ASNS: variants seen among roughly 807,000 people sequenced by gnomAD.
The protein encoded by ASNS is asparagine synthetase (glutamine-hydrolyzing).
ASNS carries 37 observed loss-of-function variants against 62.6 expected under a neutral mutation model. The observed-to-expected ratio is 0.59, with a 90% CI of 0.45 to 0.78. The LOEUF (loss-of-function observed/expected upper bound fraction) is 0.78, where lower values mean the gene tolerates loss of function less well. Ranked by LOEUF, ASNS falls within the 30% of genes least tolerant of loss-of-function variation. The probability of loss-of-function intolerance (pLI) is 0.00; values close to 1 mark genes in which losing one functional copy is unlikely to be tolerated. For missense variants in ASNS, 520 were observed against 682.4 expected, an observed-to-expected ratio of 0.76 and a Z score of 2.65; for synonymous variants, 207 against 237.9, an observed-to-expected ratio of 0.87 and a Z score of 1.19.
At chr7:97,868,518 C>CGT (rs543590888) in intron 3 of ASNS, among the ~76,000 whole-genome samples, 82 of 62,104 alleles carry the variant, frequency 1.3e-3, no homozygotes, top group African/African-American at 7.9e-3. Flanking sequence ...TCAGCAAAAA[C>CGT]ATGTGTGTGT....
the ASNS span, among the ~76,000 whole-genome samples, chr7:97,923,571 C>T: frequency 6.6e-6 from 1 of 152,198 alleles, no homozygotes; most frequent in African/African-American, 2.4e-5. Context: ...TCATCCCAGG[C>T]AATCACGGTC....
the ASNS span, among the ~76,000 whole-genome samples, chr7:97,896,098 T>A: frequency 6.6e-6 from 1 of 151,964 alleles, no homozygotes; most frequent in Non-Finnish European, 1.5e-5. Flanking sequence ...TGGGTTGGAA[T>A]AACTAATACT....
the ASNS span, among the ~76,000 whole-genome samples, chr7:97,917,967 C>T: frequency 6.6e-6 from 1 of 152,224 alleles, no homozygotes; most frequent in South Asian, 2.1e-4. Flanking sequence ...GAAACTGAGG[C>T]CTGAAGAAGG....
At chr7:97,874,680 A>C (rs1448753368), upstream of ASNS, among the ~76,000 whole-genome samples, 1 of 152,276 alleles carries the variant, frequency 6.6e-6, no homozygotes, top group African/African-American at 2.4e-5. Flanking sequence ...GACTTCCCGC[A>C]ACACAGCACA....
chr7:97,928,273 C>T, the ASNS span: 1 of 1,521,300 alleles, frequency 6.6e-7, no homozygotes, highest in Admixed American at 2.0e-5. Context: ...TTGCCAGTGG[C>T]TTTGGAGCTG....
At chr7:97,900,405 T>C in the ASNS span, among the ~76,000 whole-genome samples, 2 of 135,976 alleles carry the variant, frequency 1.5e-5, no homozygotes, top group Non-Finnish European at 3.1e-5. Flanking sequence ...CAAGTTTTGG[T>C]GAGGATGCAG....
At chr7:97,878,263 C>T in the ASNS span, among the ~76,000 whole-genome samples, 4 of 152,194 alleles carry the variant, frequency 2.6e-5, no homozygotes, top group African/African-American at 9.7e-5. Context: ...TGGCACACGT[C>T]TCTAACAACC....
At chr7:97,909,578 G>C in the ASNS span, among the ~76,000 whole-genome samples, 5 of 152,044 alleles carry the variant, frequency 3.3e-5, no homozygotes, top group Non-Finnish European at 7.4e-5. Flanking sequence ...CAAGTGCTAA[G>C]ATTACAGGTG....
At chr7:97,926,778 T>C in the ASNS span, among the ~76,000 whole-genome samples, 1 of 152,210 alleles carries the variant, frequency 6.6e-6, no homozygotes, top group African/African-American at 2.4e-5. Context: ...CCCATTTCCC[T>C]TTGTGGACCA....
upstream of ASNS, among the ~76,000 whole-genome samples, chr7:97,873,589 A>G (rs1792372455): frequency 6.6e-6 from 1 of 152,222 alleles, no homozygotes; most frequent in African/African-American, 2.4e-5. Flanking sequence ...TAAACCTGAG[A>G]GCAATGTGGG....
chr7:97,862,263 T>TATA (rs1030805862), intron 4 of ASNS, among the ~76,000 whole-genome samples: 38 of 151,482 alleles, frequency 2.5e-4, no homozygotes, highest in African/African-American at 7.5e-4. Flanking sequence ...GAACTTAAAG[T>TATA]ATAATAATAA....
At chr7:97,924,281 A>G in the ASNS span, among the ~76,000 whole-genome samples, 1 of 152,318 alleles carries the variant, frequency 6.6e-6, no homozygotes, top group East Asian at 1.9e-4. Context: ...CAACATGCGC[A>G]GGTAGCACTT....
intron 1 of ASNS, chr7:97,870,371 C>T: frequency 3.1e-6 from 1 of 323,374 alleles, no homozygotes; most frequent in Non-Finnish European, 5.6e-6. Context: ...CTGCGAATTG[C>T]AGCAAATGCC....
In ASNS at chr7:97,858,841, T is replaced by TA. The variant is rs765369330; in HGVS notation, c.775+12dup. ...CACATGAAATATAATTAGGTTTTTT[T>TA]AATTGACTTCACCTGATAAAAGGCA... On this transcript the variant is annotated intron_variant, in intron 6 of 12. Coordinates refer to ENST00000394308, the MANE Select transcript of ASNS (RefSeq NM_001673.5). The TA allele has an allele frequency of 6.3e-7, 1 of 1,598,692 alleles. No homozygotes were observed. The highest frequency in any genetic ancestry group is 1.8e-5 in the Admixed American group (1 of 55,832).
At chr7:97,893,052 T>A in the ASNS span, among the ~76,000 whole-genome samples, 1 of 152,262 alleles carries the variant, frequency 6.6e-6, no homozygotes, top group Non-Finnish European at 1.5e-5. Context: ...TTAATGGACT[T>A]ACAGTTCTAC....
At chr7:97,862,074 A>G (rs578069901) in intron 4 of ASNS, among the ~76,000 whole-genome samples, 1 of 152,266 alleles carries the variant, frequency 6.6e-6, no homozygotes, top group Admixed American at 6.5e-5. Context: ...TAGAATACAT[A>G]AGGAACTATT....
intron 3 of ASNS, among the ~76,000 whole-genome samples, chr7:97,868,564 C>T (rs201217740): frequency 6.8e-6 from 1 of 146,686 alleles, no homozygotes; most frequent in African/African-American, 2.5e-5. Flanking sequence ...AATCAAGCAA[C>T]TATGGCAAAA....
At chr7:97,865,290 C>T (rs554924406) in intron 3 of ASNS, among the ~76,000 whole-genome samples, 2 of 152,346 alleles carry the variant, frequency 1.3e-5, no homozygotes, top group Non-Finnish European at 2.9e-5. Flanking sequence ...GGCTTTCAGA[C>T]TCCACCTACA....
At chr7:97,920,813 T>G in the ASNS span, among the ~76,000 whole-genome samples, 1 of 152,252 alleles carries the variant, frequency 6.6e-6, no homozygotes, top group South Asian at 2.1e-4. Flanking sequence ...CTAGACATTA[T>G]AAAACTTGGG....
Sources: gnomAD v4.1 joint callset for allele counts (sites outside exome capture counted in the v4.1 genomes callset) on GRCh38, gnomAD v4.1.1 for gene constraint, MANE v1.5 for transcripts, NCBI Gene and HGNC (gene_info 2026-07-23, HGNC 2026-07-21) for gene names.